KCTD14: variants seen among roughly 807,000 people sequenced by gnomAD.
The protein encoded by KCTD14 is potassium channel tetramerization domain containing 14.
Under a neutral mutation model 5.9 loss-of-function variants are expected in KCTD14, and 7 were observed. The observed-to-expected ratio is 1.19, with a 90% CI of 0.68 to 2.23. KCTD14 has a LOEUF of 2.23. KCTD14 is among the 30% of genes most tolerant of loss of function. KCTD14 has a pLI of 0.00. For synonymous variants in KCTD14, 140 were observed against 133.1 expected (o/e 1.05, Z -0.36); for missense variants, 342 against 332.2 (o/e 1.03, Z -0.23).
rs1181786262 is a variant in KCTD14, at chr11:78,033,209, C to T, written c.-1+5455G>A. Reference sequence around the variant, plus strand: ...CCCCTAGAGCACACATGTGCAAAGACACTATGTGCACAAGAATGTTCGTTG... The same window carrying T: ...CCCCTAGAGCACACATGTGCAAAGATACTATGTGCACAAGAATGTTCGTTG... On this transcript the variant is annotated intron_variant, in intron 2 of 2. Transcript: ENST00000533144. Among the ~76,000 whole-genome samples the T allele has an allele frequency of 3.3e-5, 5 of 152,348 alleles. No individual in the cohort carries two copies. The East Asian group carries it at 9.6e-4, about 29-fold the overall frequency.
At chr11:78,039,296 C>T (rs960749013) in intron 1 of KCTD14, among the ~76,000 whole-genome samples, 6 of 151,832 alleles carry the variant, frequency 4.0e-5, no homozygotes, top group South Asian at 2.1e-4. Context: ...GCAGGCAGAC[C>T]GCTTGAGCCC....
chr11:78,045,514 T>C (rs183505595), intron 1 of KCTD14, among the ~76,000 whole-genome samples: 1 of 152,266 alleles, frequency 6.6e-6, no homozygotes, highest in African/African-American at 2.4e-5. Flanking sequence ...CCTGACCTGG[T>C]TGGTCTTTCA....
In KCTD14 at chr11:78,034,927, C is replaced by T. The variant is rs143616089; in HGVS notation, c.-1+3737G>A. ...GGCCACCCTCTTCTTTACTCTCTAC[C>T]GCCACCATCTTGCCACCATATGTAG... On this transcript the variant is annotated intron_variant, in intron 2 of 2. Transcript: ENST00000533144. Among the ~76,000 whole-genome samples the T allele has an allele frequency of 1.2e-4, 19 of 152,200 alleles. No individual in the cohort carries two copies. In the Middle Eastern group the frequency reaches 0.01, roughly 82 times the overall value.
intron 2 of KCTD14, among the ~76,000 whole-genome samples, chr11:78,029,722 G>GT (rs1293919229): frequency 2.6e-5 from 4 of 151,528 alleles, no homozygotes; most frequent in Non-Finnish European, 5.9e-5. Flanking sequence ...TTTTACTAGG[G>GT]TTTTTTAATA....
chr11:78,025,114 GTGTGTATATATATA>G (rs1188712091), upstream of KCTD14, among the ~76,000 whole-genome samples: 4,059 of 66,388 alleles, frequency 0.061, 71 homozygotes, highest in Non-Finnish European at 0.069. Flanking sequence ...GTGTGTGTGT[GTGTGTATATATATA>G]TATATATATA....
chr11:78,016,516 A>G lies in KCTD14; in HGVS notation c.*77T>C, dbSNP rs1857167196. The G allele has an allele frequency of 1.5e-6, 2 of 1,312,122 alleles. No individual in the cohort carries two copies. Among genetic ancestry groups the G allele is most frequent in the Non-Finnish European group, 2.1e-6 (2 of 947,752 alleles). 81.3% of individuals were successfully genotyped at this position (1,312,122 alleles called of 1,614,324 possible). On this transcript the variant is annotated 3_prime_UTR_variant, in exon 2 of 2. Transcript: ENST00000353172. ...GAAATTGCCTGATGTTTGTGAAATTAAAAGAAAATGGCTTTGATGGCAACT... is the reference window on the plus strand; with the variant it reads ...GAAATTGCCTGATGTTTGTGAAATTGAAAGAAAATGGCTTTGATGGCAACT...
intron 1 of KCTD14, among the ~76,000 whole-genome samples, chr11:78,043,703 C>G (rs1858054755): frequency 6.6e-6 from 1 of 152,128 alleles, no homozygotes; most frequent in South Asian, 2.1e-4. Flanking sequence ...AGTGGAGAAG[C>G]AGGGGCAGGA....
intron 1 of KCTD14, among the ~76,000 whole-genome samples, chr11:78,020,835 C>T (rs1219743633): frequency 6.6e-6 from 1 of 152,178 alleles, no homozygotes; most frequent in Non-Finnish European, 1.5e-5. Flanking sequence ...CCCCCTACTG[C>T]CAATACTTTG....
intron 2 of KCTD14, among the ~76,000 whole-genome samples, chr11:78,032,024 A>G (rs1483776194): frequency 6.6e-6 from 1 of 152,166 alleles, no homozygotes; most frequent in Non-Finnish European, 1.5e-5. Flanking sequence ...GGAATTCTTT[A>G]TTTAGAAGCA....
intron 2 of KCTD14, among the ~76,000 whole-genome samples, chr11:78,028,678 CACCTG>C (rs1857536464): frequency 6.6e-6 from 1 of 151,032 alleles, no homozygotes; most frequent in East Asian, 1.9e-4. Flanking sequence ...TGGTGACTCA[CACCTG>C]TGATCGCAGC....
intron 1 of KCTD14, among the ~76,000 whole-genome samples, chr11:78,041,710 C>G (rs1163473658): frequency 2.0e-5 from 3 of 152,256 alleles, no homozygotes; most frequent in Admixed American, 1.3e-4. Flanking sequence ...CACCATCCAC[C>G]ACTGCTGTTT....
chr11:78,019,661 T>C lies in KCTD14; in HGVS notation c.91-2391A>G, dbSNP rs182915602. Among the ~76,000 whole-genome samples the C allele has an allele frequency of 7.9e-5, 12 of 152,272 alleles. No homozygotes were observed. In the East Asian group the frequency reaches 1.7e-3, roughly 22 times the overall value. ...GAATGTTTTTCAAAATATAGGCCCA[T>C]GAGACTTAAATAATAACGGGAACAT... On this transcript the variant is annotated intron_variant, in intron 1 of 1. Transcript: ENST00000353172.
rs1470549899 is a variant in KCTD14, at chr11:78,016,440, G to C, written c.*153C>G. 1.5e-6 allele frequency: 1 copy of C among 655,378 alleles called. No individual in the cohort carries two copies. The highest frequency in any genetic ancestry group is 1.8e-5 in the African/African-American group (1 of 54,994). 40.6% of individuals were successfully genotyped at this position (655,378 alleles called of 1,614,324 possible). On this transcript the variant is annotated 3_prime_UTR_variant, in exon 2 of 2. Transcript: ENST00000353172. ...GGCATCAGTTGCAATGGAGTGGAAAGTCCTTAAACGAGTGATCAATATTTA... is the reference window on the plus strand; with the variant it reads ...GGCATCAGTTGCAATGGAGTGGAAACTCCTTAAACGAGTGATCAATATTTA...
At chr11:78,038,795 T>A (rs547829253) in intron 1 of KCTD14, 16 of 1,535,094 alleles carry the variant, frequency 1.0e-5, no homozygotes, top group Non-Finnish European at 1.4e-5. Context: ...AGACTATCAG[T>A]GTTCACAAAG....
At chr11:78,023,499 T>C, upstream of KCTD14, 1 of 483,128 alleles carries the variant, frequency 2.1e-6, no homozygotes, top group Non-Finnish European at 3.6e-6. Flanking sequence ...TTAATTTCCT[T>C]CCTTTTCTTT....
upstream of KCTD14, among the ~76,000 whole-genome samples, chr11:78,024,006 C>T (rs1404843340): frequency 1.3e-5 from 2 of 152,094 alleles, no homozygotes; most frequent in Non-Finnish European, 2.9e-5. Context: ...ATTCTTGAAT[C>T]GGGGAACACC....
At chr11:78,026,563 G>A (rs149765861), upstream of KCTD14, among the ~76,000 whole-genome samples, 602 of 152,094 alleles carry the variant, frequency 4.0e-3, 2 homozygotes, top group Non-Finnish European at 7.1e-3. Flanking sequence ...GACCCCAGGA[G>A]TTCAAGTCCA....
At chr11:78,034,751 C>A (rs1174009537) in intron 2 of KCTD14, among the ~76,000 whole-genome samples, 1 of 152,108 alleles carries the variant, frequency 6.6e-6, no homozygotes, top group African/African-American at 2.4e-5. Flanking sequence ...AAGCAGGGGA[C>A]CCTGCTCACC....
At chr11:78,028,772 C>A (rs1857539180) in intron 2 of KCTD14, among the ~76,000 whole-genome samples, 1 of 152,106 alleles carries the variant, frequency 6.6e-6, no homozygotes. Context: ...AAAACCCCAT[C>A]TCTGCAGACA....
Sources: gnomAD v4.1 joint callset for allele counts (sites outside exome capture counted in the v4.1 genomes callset) on GRCh38, gnomAD v4.1.1 for gene constraint, MANE v1.5 for transcripts, NCBI Gene and HGNC (gene_info 2026-07-23, HGNC 2026-07-21) for gene names.